The following TEX264 variants were observed in gnomAD, a reference collection of about 807,000 sequenced individuals.
The protein encoded by TEX264 is testis expressed 264, ER-phagy receptor.
A neutral mutation model predicts 23.4 loss-of-function variants in TEX264; 13 were observed. The observed-to-expected ratio is 0.56, with a 90% CI of 0.36 to 0.88. The LOEUF (loss-of-function observed/expected upper bound fraction) is 0.88, where lower values mean the gene tolerates loss of function less well. TEX264 is among the 40% of genes least tolerant of loss of function. The pLI is 0.01. For missense variants in TEX264, 340 were observed against 406.8 expected (o/e 0.84, Z 1.41); for synonymous variants, 159 against 170.0 (o/e 0.94, Z 0.50).
chr3:51,681,066 T>A (rs1268010375), intron 2 of TEX264, among the ~76,000 whole-genome samples: 3 of 152,152 alleles, frequency 2.0e-5, no homozygotes, highest in African/African-American at 7.2e-5. Context: ...TGAGAGACCT[T>A]CTAGGCTCCT....
intron 3 of TEX264, among the ~76,000 whole-genome samples, chr3:51,697,781 A>G (rs1703127759): frequency 6.6e-6 from 1 of 152,064 alleles, no homozygotes; most frequent in African/African-American, 2.4e-5. Flanking sequence ...CCAAGGCTGG[A>G]GTGGGTATGT....
At chr3:51,695,206 A>T (rs147086483) in intron 3 of TEX264, among the ~76,000 whole-genome samples, 3 of 152,220 alleles carry the variant, frequency 2.0e-5, no homozygotes, top group South Asian at 2.1e-4. Flanking sequence ...AGAAGGATAG[A>T]TAGGACTGGG....
At chr3:51,688,926 A>G (rs1230139134) in intron 3 of TEX264, among the ~76,000 whole-genome samples, 3 of 152,088 alleles carry the variant, frequency 2.0e-5, no homozygotes, top group Non-Finnish European at 4.4e-5. Flanking sequence ...CAGGAGTTCC[A>G]GACCAGCCTG....
chr3:51,694,030 CCTTCCTTCCTT>C, intron 3 of TEX264, among the ~76,000 whole-genome samples: 2 of 138,194 alleles, frequency 1.4e-5, no homozygotes, highest in African/African-American at 5.9e-5. Context: ...TTCCTTCCTT[CCTTCCTTCCTT>C]CCTTCCTCCC....
chr3:51,703,886 C>G lies in TEX264; in HGVS notation c.812C>G (p.Ser271Cys), dbSNP rs1449106909. 1 of 1,611,968 alleles carries G rather than the reference C, an allele frequency of 6.2e-7. No homozygotes were observed. The highest frequency in any genetic ancestry group is 1.7e-5 in the Admixed American group (1 of 59,972). ...HSYSESGASGSSFEELDLEGE... is the reference protein window; with the variant it reads ...HSYSESGASGCSFEELDLEGE... Reference sequence around the variant, plus strand: ...TACAGCGAGTCAGGTGCCAGCGGCTCCTCTTTTGAGGAGCTGGACTTGGAG... The same window carrying G: ...TACAGCGAGTCAGGTGCCAGCGGCTGCTCTTTTGAGGAGCTGGACTTGGAG... The change falls in exon 5 of 5, where the codon TCC becomes TGC. Residue 271 changes from serine to cysteine, a missense_variant. Physicochemically the swap from Ser to Cys is moderately radical, Grantham distance 112. Transcript: ENST00000341333. The surrounding 1 kb of genome is among the most constrained non-coding windows in gnomAD (Gnocchi z 4.8).
chr3:51,679,109 G>A (rs552877784), intron 2 of TEX264, among the ~76,000 whole-genome samples: 1 of 152,274 alleles, frequency 6.6e-6, no homozygotes, highest in Non-Finnish European at 1.5e-5. Flanking sequence ...AAGGGGCTTC[G>A]GATTTGCCCT....
At chr3:51,672,315 CCTT>C (rs1702076103) in intron 1 of TEX264, 1 of 152,330 alleles carries the variant, frequency 6.6e-6, no homozygotes, top group East Asian at 1.9e-4. Flanking sequence ...AGCTCCCAGA[CCTT>C]CTTCCTTTTC....
At chr3:51,695,747 C>T (rs373864748) in intron 3 of TEX264, among the ~76,000 whole-genome samples, 3 of 152,176 alleles carry the variant, frequency 2.0e-5, no homozygotes, top group Admixed American at 6.6e-5. Flanking sequence ...AGGTAGCTGA[C>T]GCAGTGGCAC....
At chr3:51,697,190 G>A (rs563328075) in intron 3 of TEX264, among the ~76,000 whole-genome samples, 23 of 152,360 alleles carry the variant, frequency 1.5e-4, no homozygotes, top group Admixed American at 2.6e-4. Context: ...AAGCAGATGC[G>A]CAGAACAGCC....
At chr3:51,700,846 C>T (rs780020108) in intron 4 of TEX264, among the ~76,000 whole-genome samples, 6 of 152,062 alleles carry the variant, frequency 3.9e-5, no homozygotes, top group Non-Finnish European at 5.9e-5. Flanking sequence ...GTGTTGGGGC[C>T]AAGGGGTCTG....
intron 1 of TEX264, among the ~76,000 whole-genome samples, chr3:51,674,061 C>T (rs930177987): frequency 6.6e-6 from 1 of 152,160 alleles, no homozygotes; most frequent in Non-Finnish European, 1.5e-5. Context: ...TCACCAACTG[C>T]GATTAAGAAA....
chr3:51,704,123 G>A lies in TEX264; in HGVS notation c.*107G>A. On this transcript the variant is annotated 3_prime_UTR_variant, in exon 5 of 5. Transcript: ENST00000341333. ...TTCCTCTGGGGGAGGAGGGGTTCCTGAGGGACCTGACTTCCCCTGCTCCAG... is the reference window on the plus strand; with the variant it reads ...TTCCTCTGGGGGAGGAGGGGTTCCTAAGGGACCTGACTTCCCCTGCTCCAG... 2 of 1,113,146 alleles carry A rather than the reference G, an allele frequency of 1.8e-6. No individual in the cohort carries two copies. Among genetic ancestry groups the A allele is most frequent in the Non-Finnish European group, 2.3e-6 (2 of 856,088 alleles). The allele number at this position is 1,113,146 out of a possible 1,614,324, so 69.0% of individuals were successfully genotyped here. A position where few individuals can be genotyped will look rare whatever the true frequency, so the allele number is the denominator to read the frequency against.
intron 1 of TEX264, among the ~76,000 whole-genome samples, chr3:51,673,255 C>G (rs1191355947): frequency 6.6e-6 from 1 of 152,132 alleles, no homozygotes; most frequent in African/African-American, 2.4e-5. Flanking sequence ...GGCTCCCTTC[C>G]TCTTTAAACA....
At chr3:51,678,763 G>T (rs748809172) in intron 2 of TEX264, among the ~76,000 whole-genome samples, 1 of 152,146 alleles carries the variant, frequency 6.6e-6, no homozygotes, top group Non-Finnish European at 1.5e-5. Context: ...TCTGATGTAG[G>T]CCTGTGTCAC....
intron 3 of TEX264, 45 bp downstream of exon 3, chr3:51,684,679 C>A: frequency 6.3e-7 from 1 of 1,594,134 alleles, no homozygotes. Context: ...CAGCCAGGCC[C>A]CTTGGGTGGA....
Position 51,673,969 on chromosome 3 carries a change from T to C in TEX264, c.-34-302T>C, listed in dbSNP as rs111864414. ...GGCCCGGAGTATGTCTCTGGCTGAA[T>C]CACTCCTGTGCCCCTCTGTGACTCA... On this transcript the variant is annotated intron_variant, in intron 1 of 4. Coordinates refer to ENST00000341333, the MANE Select transcript of TEX264 (RefSeq NM_015926.6). 6.2e-3 allele frequency among the ~76,000 whole-genome samples: 947 copies of C among 152,234 alleles called. 7 individuals carry two copies. Among genetic ancestry groups the C allele is most frequent in the African/African-American group, 0.021 (892 of 41,530 alleles).
intron 2 of TEX264, among the ~76,000 whole-genome samples, chr3:51,675,061 C>A (rs958835848): frequency 9.8e-5 from 15 of 152,312 alleles, no homozygotes; most frequent in African/African-American, 3.1e-4. Context: ...TGGAATCTTA[C>A]CTCTTCAGCC....
At chr3:51,692,545 C>T (rs1172808059) in intron 3 of TEX264, among the ~76,000 whole-genome samples, 3 of 152,204 alleles carry the variant, frequency 2.0e-5, no homozygotes, top group Non-Finnish European at 4.4e-5. Context: ...CCCACTTGTC[C>T]TTCCCCTCTG....
Position 51,699,579 on chromosome 3 carries a change from A to C in TEX264, c.649+5A>C. ...ACACCCAGGTGGATGGCACAGGTAC[A>C]GAAGGTGGGGTATGAGGATGGGGCC... is the stretch of plus-strand genomic sequence containing the variant. On this transcript the variant is annotated splice_donor_5th_base_variant and intron_variant, in intron 4 of 4. Coordinates refer to ENST00000341333, the MANE Select transcript of TEX264 (RefSeq NM_015926.6). 1 of 1,613,652 alleles carries C rather than the reference A, an allele frequency of 6.2e-7. No homozygotes were observed. The highest frequency in any genetic ancestry group is 8.5e-7 in the Non-Finnish European group (1 of 1,179,656).
Sources: allele counts gnomAD v4.1 joint callset (sites outside exome capture counted in the v4.1 genomes callset), GRCh38; gene constraint gnomAD v4.1.1; non-coding constraint Gnocchi (gnomAD v3.1); transcripts MANE v1.5; gene names NCBI Gene and HGNC (gene_info 2026-07-23, HGNC 2026-07-21).